Variants in ETV1 observed in about 807,000 individuals in gnomAD.
ETV1 encodes the protein ETS variant transcription factor 1.
In ETV1, 27 loss-of-function variants were observed where a neutral mutation model predicts 62.3. That is an observed-to-expected ratio of 0.43 (90% CI 0.32 to 0.60). ETV1 has a LOEUF of 0.60. ETV1 is among the 20% of genes least tolerant of loss of function. ETV1 has a pLI of 0.06. For missense variants in ETV1, 605 were observed against 605.8 expected, an observed-to-expected ratio of 1.00 and a Z score of 0.01; for synonymous variants, 222 against 199.6, an observed-to-expected ratio of 1.11 and a Z score of -0.94.
chr7:13,936,363 G>C (rs1372764485), intron 7 of ETV1, among the ~76,000 whole-genome samples: 1 of 152,082 alleles, frequency 6.6e-6, no homozygotes. Context: ...GCTTTTATTT[G>C]TGGTGGGATT....
chr7:13,976,373 A>G (rs1205053250), intron 6 of ETV1, among the ~76,000 whole-genome samples: 2 of 152,318 alleles, frequency 1.3e-5, no homozygotes, highest in South Asian at 4.1e-4. Flanking sequence ...ATTTTGTGGT[A>G]TGTATATTTT....
At chr7:13,905,643 T>C (rs1313355803) in intron 12 of ETV1, among the ~76,000 whole-genome samples, 2 of 152,190 alleles carry the variant, frequency 1.3e-5, no homozygotes, top group Non-Finnish European at 2.9e-5. Context: ...TCCATTTGTA[T>C]GTGGGGAGTG....
intron 9 of ETV1, among the ~76,000 whole-genome samples, chr7:13,930,826 A>T (rs1162993496): frequency 6.6e-6 from 1 of 151,396 alleles, no homozygotes; most frequent in African/African-American, 2.4e-5. Flanking sequence ...TTTGAGACGG[A>T]GTCTCTCTCT....
chr7:13,954,491 G>A (rs925614168), intron 6 of ETV1, among the ~76,000 whole-genome samples: 4 of 152,140 alleles, frequency 2.6e-5, no homozygotes, highest in African/African-American at 4.8e-5. Flanking sequence ...TTCTTCAAAT[G>A]TTTGTGCATT....
At chr7:13,951,520 G>A (rs551988984) in intron 6 of ETV1, among the ~76,000 whole-genome samples, 6 of 152,234 alleles carry the variant, frequency 3.9e-5, no homozygotes, top group Admixed American at 6.5e-5. Context: ...CCTTAATGAT[G>A]TTAATTGTTG....
chr7:13,990,293 C>T (rs1782934903), upstream of ETV1: 1 of 152,204 alleles, frequency 6.6e-6, no homozygotes, highest in Admixed American at 6.5e-5. Flanking sequence ...GGGACAGAAA[C>T]ATAAAGAATC....
chr7:13,986,551 C>T, intron 5 of ETV1, 87 bp downstream of exon 5: 1 of 1,589,318 alleles, frequency 6.3e-7, no homozygotes, highest in Non-Finnish European at 8.5e-7. Context: ...ATTAATTGGG[C>T]TGAATATTAA....
Position 13,894,540 on chromosome 7 carries a change from G to A in ETV1, c.*1326C>T, listed in dbSNP as rs1781608995. 4.3e-6 allele frequency: 1 copy of A among 232,542 alleles called. No individual in the cohort carries two copies. The highest frequency in any genetic ancestry group is 8.5e-6 in the Non-Finnish European group (1 of 117,418). 14.4% of individuals were successfully genotyped at this position (232,542 alleles called of 1,614,324 possible). A position where few individuals can be genotyped will look rare whatever the true frequency, so the allele number is the denominator to read the frequency against. On this transcript the variant is annotated 3_prime_UTR_variant, in exon 14 of 14. Transcript: ENST00000430479. The stretch of plus-strand genomic sequence containing the variant: ...TTCCATATCACCAAAAGTTACAAAA[G>A]GTTCCACAGTTTCCTTTAGCAAGCT...
Position 13,894,834 on chromosome 7 carries a change from T to C in ETV1, c.*1032A>G, listed in dbSNP as rs1220151199. On this transcript the variant is annotated 3_prime_UTR_variant, in exon 14 of 14. Coordinates refer to ENST00000430479, the MANE Select transcript of ETV1 (RefSeq NM_004956.5). Reference sequence around the variant, plus strand: ...AGTAAAAGGTTTAAATGCATATCAATGGGTACCATGTCTAAAAATTACTAT... The same window carrying C: ...AGTAAAAGGTTTAAATGCATATCAACGGGTACCATGTCTAAAAATTACTAT... 1 of 232,736 alleles carries C rather than the reference T, an allele frequency of 4.3e-6. No individual in the cohort carries two copies. The highest frequency in any genetic ancestry group is 8.5e-6 in the Non-Finnish European group (1 of 117,590). 14.4% of individuals were successfully genotyped at this position (232,736 alleles called of 1,614,324 possible).
At chr7:13,922,199 T>C (rs1784917708) in intron 9 of ETV1, among the ~76,000 whole-genome samples, 2 of 152,158 alleles carry the variant, frequency 1.3e-5, no homozygotes, top group Non-Finnish European at 1.5e-5. Context: ...TTTATAATTC[T>C]AGGCCTTCTA....
intron 9 of ETV1, among the ~76,000 whole-genome samples, chr7:13,917,369 G>C (rs1406332925): frequency 6.6e-6 from 1 of 151,586 alleles, no homozygotes; most frequent in African/African-American, 2.4e-5. Context: ...CCAGGCTGGA[G>C]TGTAACGGTG....
intron 9 of ETV1, among the ~76,000 whole-genome samples, chr7:13,924,935 G>A (rs1289051739): frequency 7.9e-6 from 1 of 127,268 alleles, no homozygotes; most frequent in African/African-American, 3.8e-5. Context: ...TGCTGTCAAA[G>A]AGTTACGTGC....
rs748694332 is a variant in ETV1, at chr7:13,931,494, A to T, written c.802+8T>A. The T allele has an allele frequency of 6.2e-7, 1 of 1,613,804 alleles. No individual in the cohort carries two copies. Among genetic ancestry groups the T allele is most frequent in the African/African-American group, 1.3e-5 (1 of 74,948 alleles). On this transcript the variant is annotated splice_region_variant and intron_variant, in intron 9 of 13. Transcript: ENST00000430479. ...CTTGAATGTAATTTGCGCAGAGCGC[A>T]GGCCTACCTGAGTCATATGCAAAAT...
intron 9 of ETV1, among the ~76,000 whole-genome samples, chr7:13,930,631 C>A (rs1381352217): frequency 2.0e-5 from 3 of 151,028 alleles, no homozygotes; most frequent in African/African-American, 4.9e-5. Context: ...AGATTTTAAA[C>A]CCTCCCTCCT....
chr7:13,896,223 T>C (rs1583542407), intron 13 of ETV1, 136 bp from the exon 14 acceptor site: 3 of 589,010 alleles, frequency 5.1e-6, no homozygotes, highest in East Asian at 2.8e-5. Flanking sequence ...AAACAACTAA[T>C]AGCAGATACA....
rs1131845 is a variant in ETV1 at position 13,939,132 on chromosome 7, C to T, written c.350G>A (p.Cys117Tyr). The stretch of plus-strand genomic sequence containing the variant: ...GTGGCTTTACCTGACATTGTACAGG[C>T]ACTTTTCTCCATAGCTGAATTTAAA... ...QPFKFSYGEK[C>Y]LYNVSAYDQK... Residue 117 changes from cysteine to tyrosine, a missense_variant, in exon 7 of 14, where the codon TGC becomes TAC. Transcript: ENST00000430479. 3.1e-6 allele frequency: 5 copies of T among 1,612,998 alleles called. No homozygotes were observed. The highest frequency in any genetic ancestry group is 3.4e-6 in the Non-Finnish European group (4 of 1,179,580).
At chr7:13,958,870 T>C (rs957933961) in intron 6 of ETV1, 12 of 152,220 alleles carry the variant, frequency 7.9e-5, no homozygotes, top group Non-Finnish European at 1.0e-4. Context: ...TCGTGAGCAT[T>C]ACACAAGTAT....
chr7:13,894,034 T>C lies in ETV1; in HGVS notation c.*1832A>G, dbSNP rs1781565992. On this transcript the variant is annotated 3_prime_UTR_variant, in exon 14 of 14. Transcript: ENST00000430479. The stretch of plus-strand genomic sequence containing the variant: ...TTGATAACTGCTCCACTTAGAGAAA[T>C]GAGCTGTGATCTGTGTAGTTTTGGA... 4.3e-6 allele frequency: 1 copy of C among 232,976 alleles called. No individual in the cohort carries two copies. 14.4% of individuals were successfully genotyped at this position (232,976 alleles called of 1,614,324 possible). A position where few individuals can be genotyped will look rare whatever the true frequency, so the allele number is the denominator to read the frequency against.
intron 8 of ETV1, among the ~76,000 whole-genome samples, chr7:13,935,317 C>T (rs190442697): frequency 6.2e-4 from 94 of 152,186 alleles, no homozygotes; most frequent in African/African-American, 2.1e-3. Flanking sequence ...GGTAGAAAAC[C>T]TAATTCCATA....
Sources: gnomAD v4.1 joint callset for allele counts (sites outside exome capture counted in the v4.1 genomes callset) on GRCh38, gnomAD v4.1.1 for gene constraint, MANE v1.5 for transcripts, NCBI Gene and HGNC (gene_info 2026-07-23, HGNC 2026-07-21) for gene names.